SHROOM2: variants seen among roughly 807,000 people sequenced by gnomAD.
SHROOM2 encodes the protein shroom family member 2.
A neutral mutation model predicts 75.9 loss-of-function variants in SHROOM2; 33 were observed. The ratio of observed to expected loss-of-function variants is 0.43; its 90% confidence interval spans 0.33 to 0.58. SHROOM2 has a LOEUF of 0.58. SHROOM2 is among the 20% of genes least tolerant of loss of function. SHROOM2 has a pLI of 0.04. For missense variants in SHROOM2, 1,434 were observed against 1,461.2 expected, an observed-to-expected ratio of 0.98 and a Z score of 0.30; for synonymous variants, 655 against 663.6, an observed-to-expected ratio of 0.99 and a Z score of 0.20.
Position 9,937,540 on chromosome X carries a change from G to T in SHROOM2, c.3994G>T (p.Asp1332Tyr), listed in dbSNP as rs138215112. The part of the protein sequence containing the change: ...EIVGKDKSLA[D>Y]ILDPSVKIKT... Reference sequence around the variant, plus strand: ...CGTGGGGAAGGATAAGTCCCTGGCCGACATCCTGGATCCCAGTGTGAAGAT... The same window carrying T: ...CGTGGGGAAGGATAAGTCCCTGGCCTACATCCTGGATCCCAGTGTGAAGAT... Residue 1332 changes from aspartate (D) to tyrosine (Y), a missense_variant, in exon 7 of 10, where the codon GAC (aspartate) becomes TAC (tyrosine). This residue lies in a region of SHROOM2 where 1,340 missense variants were observed against 1,338.3 expected (regional missense o/e 1.00). Coordinates refer to ENST00000380913, the MANE Select transcript of SHROOM2 (RefSeq NM_001649.4). 1.7e-6 allele frequency: 2 copies of T among 1,211,869 alleles called. No homozygotes were observed. Among genetic ancestry groups the T allele is most frequent in the South Asian group, 3.5e-5 (2 of 56,991 alleles).
intron 1 of SHROOM2, among the ~76,000 whole-genome samples, chrX:9,808,175 G>C: frequency 1.8e-5 from 2 of 111,375 alleles, no homozygotes; most frequent in East Asian, 5.6e-4. Context: ...AAGGTGTGCT[G>C]TGCAGCCTGG....
rs1555919910 is a variant in SHROOM2 at position 9,792,159 on chromosome X, T to TAATAGAATAGA, written c.165+5452_165+5453insAGAATAGAAAT. 4.0e-4 allele frequency among the ~76,000 whole-genome samples: 3 copies of TAATAGAATAGA among 7,413 alleles called. 1 individual carries two copies. The highest frequency in any genetic ancestry group is 4.1e-3 in the South Asian group (2 of 493). The allele number at this position is 7,413 out of a possible 115,157, so 6.4% of individuals were successfully genotyped here. A position where few individuals can be genotyped will look rare whatever the true frequency, so the allele number is the denominator to read the frequency against. On this transcript the variant is annotated intron_variant, in intron 1 of 9. Coordinates refer to ENST00000380913, the MANE Select transcript of SHROOM2 (RefSeq NM_001649.4). ...TAGAATAGAATAGAATAGAATAGAATAATCACCAGTATCTGATACAGGGAG... is the reference window on the plus strand; with the variant it reads ...TAGAATAGAATAGAATAGAATAGAATAATAGAATAGAAATCACCAGTATCTGATACAGGGAG...
chrX:9,802,777 C>T (rs1051212403), intron 1 of SHROOM2, among the ~76,000 whole-genome samples: 2 of 111,281 alleles, frequency 1.8e-5, no homozygotes, highest in Admixed American at 9.6e-5. Flanking sequence ...TTCTGAGCAC[C>T]GTTAGGTCCT....
chrX:9,799,157 C>CTTTTTTTTTTTTTT lies in SHROOM2; in HGVS notation c.165+12462_165+12475dup, dbSNP rs58508176. ...GTTTGCCTTTACGGAGAGTTTAATT[C>CTTTTTTTTTTTTTT]TTTTTTTTTTTTTTTTTTTTTTTTT... is the stretch of plus-strand genomic sequence containing the variant. On this transcript the variant is annotated intron_variant, in intron 1 of 9. Transcript: ENST00000380913. Among the ~76,000 whole-genome samples the CTTTTTTTTTTTTTT allele has an allele frequency of 4.9e-5, 3 of 61,382 alleles. 1 individual carries two copies. The highest frequency in any genetic ancestry group is 2.6e-4 in the African/African-American group (3 of 11,343). The allele number at this position is 61,382 out of a possible 115,157, so 53.3% of individuals were successfully genotyped here.
chrX:9,854,863 G>T (rs181355337), intron 1 of SHROOM2, among the ~76,000 whole-genome samples: 177 of 110,749 alleles, frequency 1.6e-3, no homozygotes, highest in Non-Finnish European at 2.4e-3. Flanking sequence ...CCTCCTCGGT[G>T]ATTTTATTTG....
At chrX:9,883,988 T>C (rs1377580850) in intron 2 of SHROOM2, among the ~76,000 whole-genome samples, 4 of 111,711 alleles carry the variant, frequency 3.6e-5, no homozygotes, top group African/African-American at 1.3e-4. Flanking sequence ...CTGCAGACTC[T>C]TCTTTCAAAA....
intron 1 of SHROOM2, among the ~76,000 whole-genome samples, chrX:9,816,579 CCCTGCTGCT>C (rs1413895278): frequency 1.9e-4 from 5 of 26,405 alleles, no homozygotes; most frequent in Admixed American, 6.5e-4. Context: ...CAGCCTTACC[CCCTGCTGCT>C]GCTGCTGCTG....
intron 1 of SHROOM2, among the ~76,000 whole-genome samples, chrX:9,850,846 A>G (rs1361790136): frequency 1.8e-5 from 2 of 108,965 alleles, no homozygotes; most frequent in Non-Finnish European, 3.8e-5. Context: ...AAAAAAAAAA[A>G]AGAGAAAACA....
rs775691399 is a variant in SHROOM2 at position 9,932,877 on chromosome X, T to C, written c.3587+7T>C. ...AGGATGAGGATTCAACCAGGTACTG[T>C]CCTGCGACGGTGTTCCCTCCCCATG... On this transcript the variant is annotated splice_region_variant and intron_variant, in intron 6 of 9. Coordinates refer to ENST00000380913, the MANE Select transcript of SHROOM2 (RefSeq NM_001649.4). 8.6e-7 allele frequency: 1 copy of C among 1,162,425 alleles called. No homozygotes were observed. The highest frequency in any genetic ancestry group is 2.3e-5 in the Admixed American group (1 of 42,723).
chrX:9,897,680 C>CAAAAAAAAAAAA (rs56026461), intron 4 of SHROOM2, among the ~76,000 whole-genome samples: 2 of 70,578 alleles, frequency 2.8e-5, no homozygotes, highest in African/African-American at 1.2e-4. Context: ...GACCCTGTCT[C>CAAAAAAAAAAAA]AAAAAAAAAA....
chrX:9,855,876 C>T (rs2084067406), intron 1 of SHROOM2, among the ~76,000 whole-genome samples: 1 of 111,322 alleles, frequency 9.0e-6, no homozygotes, highest in African/African-American at 3.3e-5. Flanking sequence ...GGGCAGATTC[C>T]ACCATCCTGG....
intron 5 of SHROOM2, among the ~76,000 whole-genome samples, chrX:9,919,241 TAG>T (rs2084518634): frequency 9.3e-6 from 1 of 107,782 alleles, no homozygotes; most frequent in African/African-American, 3.4e-5. Context: ...AATCAACAGG[TAG>T]AGATTCAGTA....
intron 5 of SHROOM2, among the ~76,000 whole-genome samples, chrX:9,906,268 C>T (rs200488338): frequency 1.8e-5 from 2 of 111,130 alleles, no homozygotes; most frequent in Non-Finnish European, 3.8e-5. Flanking sequence ...TTAGTGGCTG[C>T]CAGGGGTTAA....
chrX:9,885,602 C>T (rs1315022417), intron 2 of SHROOM2, among the ~76,000 whole-genome samples: 1 of 111,454 alleles, frequency 9.0e-6, no homozygotes, highest in African/African-American at 3.3e-5. Flanking sequence ...AAGATATCTT[C>T]AGTTAAAGCA....
chrX:9,928,654 A>G (rs2084617867), intron 5 of SHROOM2, among the ~76,000 whole-genome samples: 1 of 111,539 alleles, frequency 9.0e-6, no homozygotes, highest in Admixed American at 9.5e-5. Flanking sequence ...ACACAGGCAC[A>G]CATACCCACA....
chrX:9,900,954 GC>G (rs766805470), intron 5 of SHROOM2, among the ~76,000 whole-genome samples: 2 of 110,505 alleles, frequency 1.8e-5, no homozygotes, highest in South Asian at 7.8e-4. Flanking sequence ...CTGACTTGGG[GC>G]CCCTTGAATG....
chrX:9,923,393 G>C (rs777470009), intron 5 of SHROOM2, among the ~76,000 whole-genome samples: 2 of 112,127 alleles, frequency 1.8e-5, no homozygotes, highest in Admixed American at 9.4e-5. Flanking sequence ...GGTATGCCAA[G>C]GCAGCGATGA....
intron 1 of SHROOM2, among the ~76,000 whole-genome samples, chrX:9,855,001 C>G (rs2084059686): frequency 9.2e-6 from 1 of 109,069 alleles, no homozygotes; most frequent in Non-Finnish European, 1.9e-5. Context: ...AAATTTATTT[C>G]CTTTTTAATT....
intron 1 of SHROOM2, among the ~76,000 whole-genome samples, chrX:9,846,442 G>A (rs2084007067): frequency 9.0e-6 from 1 of 111,715 alleles, no homozygotes; most frequent in South Asian, 3.8e-4. Context: ...CTACAGGCAC[G>A]TGCCACCACA....
Sources: gnomAD v4.1 joint callset for allele counts (sites outside exome capture counted in the v4.1 genomes callset) on GRCh38, gnomAD v4.1.1 for gene constraint, gnomAD v4.1.1 regional missense constraint, MANE v1.5 for transcripts, NCBI Gene and HGNC (gene_info 2026-07-23, HGNC 2026-07-21) for gene names.